SLC1A2: variants seen among roughly 807,000 people sequenced by gnomAD.
SLC1A2 encodes solute carrier family 1 member 2.
In SLC1A2, 15 loss-of-function variants were observed where a neutral mutation model predicts 48.8. The observed-to-expected ratio is 0.31, with a 90% CI of 0.21 to 0.47. SLC1A2 has a LOEUF of 0.47. Among genes scored for constraint, SLC1A2 ranks in the 20% least tolerant of loss-of-function variants. The probability of loss-of-function intolerance (pLI) is 0.99; values close to 1 mark genes in which losing one functional copy is unlikely to be tolerated. For missense variants in SLC1A2, 502 were observed against 730.5 expected (o/e 0.69, Z 3.61); for synonymous variants, 279 against 272.6 (o/e 1.02, Z -0.23).
chr11:35,299,718 A>T (rs1851290735), intron 6 of SLC1A2: 1 of 151,822 alleles, frequency 6.6e-6, no homozygotes, highest in Admixed American at 6.6e-5. Context: ...GAGATAAAAA[A>T]GAACAGATTT....
At chr11:35,395,922 C>A (rs1055913015) in intron 1 of SLC1A2, among the ~76,000 whole-genome samples, 1 of 145,656 alleles carries the variant, frequency 6.9e-6, no homozygotes, top group African/African-American at 2.6e-5. Context: ...TGAGAATATG[C>A]GGTGTTTGGT....
At chr11:35,416,957 G>C (rs1855621666) in intron 1 of SLC1A2, among the ~76,000 whole-genome samples, 1 of 152,178 alleles carries the variant, frequency 6.6e-6, no homozygotes. Flanking sequence ...CCTCACATGT[G>C]AGTTCCACTC....
intron 1 of SLC1A2, among the ~76,000 whole-genome samples, chr11:35,336,668 A>G (rs938636602): frequency 2.0e-5 from 3 of 152,208 alleles, no homozygotes; most frequent in African/African-American, 7.2e-5. Context: ...TCAGAATCAC[A>G]TAGCTAAACC....
intron 8 of SLC1A2, chr11:35,285,288 C>T (rs773665532): frequency 4.6e-5 from 7 of 152,220 alleles, no homozygotes; most frequent in Non-Finnish European, 4.4e-5. Context: ...CTTTGAGCCT[C>T]ACATGCCTCC....
At chr11:35,323,033 A>C (rs1852127106) in intron 1 of SLC1A2, 1 of 459,482 alleles carries the variant, frequency 2.2e-6, no homozygotes, top group Non-Finnish European at 3.9e-6. Context: ...CAGATCCTGC[A>C]AATGAAACTT....
At chr11:35,293,438 A>G (rs1322491498) in intron 6 of SLC1A2, among the ~76,000 whole-genome samples, 5 of 152,190 alleles carry the variant, frequency 3.3e-5, no homozygotes, top group Admixed American at 3.3e-4. Context: ...CTATCTTATT[A>G]TTAATTTATA....
chr11:35,347,460 A>T (rs1280132395), intron 1 of SLC1A2, among the ~76,000 whole-genome samples: 1 of 152,260 alleles, frequency 6.6e-6, no homozygotes, highest in Non-Finnish European at 1.5e-5. Flanking sequence ...AATCACTGAT[A>T]GTGGCTGCTG....
At chr11:35,310,611 T>C (rs1198715071) in intron 4 of SLC1A2, among the ~76,000 whole-genome samples, 1 of 152,230 alleles carries the variant, frequency 6.6e-6, no homozygotes, top group Non-Finnish European at 1.5e-5. Context: ...ATACTTTTCT[T>C]CTAAGCAAAC....
At chr11:35,401,667 T>G (rs1202009860) in intron 1 of SLC1A2, among the ~76,000 whole-genome samples, 1 of 152,112 alleles carries the variant, frequency 6.6e-6, no homozygotes, top group African/African-American at 2.4e-5. Flanking sequence ...TTTTAATGTT[T>G]TATTTCAGAG....
intron 1 of SLC1A2, among the ~76,000 whole-genome samples, chr11:35,368,929 A>G (rs1406250342): frequency 6.6e-6 from 1 of 152,246 alleles, no homozygotes; most frequent in African/African-American, 2.4e-5. Flanking sequence ...CACTGACATT[A>G]TGACAGGGGT....
intron 6 of SLC1A2, 44 bp from the exon 7 acceptor site, chr11:35,292,564 G>C: frequency 7.7e-7 from 1 of 1,295,226 alleles, no homozygotes; most frequent in Non-Finnish European, 1.1e-6. Context: ...GAGATCATTA[G>C]GGATTCAGAA....
At chr11:35,275,847 A>AC (rs1850423904) in intron 9 of SLC1A2, among the ~76,000 whole-genome samples, 1 of 151,884 alleles carries the variant, frequency 6.6e-6, no homozygotes, top group South Asian at 2.1e-4. Flanking sequence ...GGCCAGTTGC[A>AC]CCCCATCTCA....
chr11:35,289,304 T>C (rs987252734), intron 7 of SLC1A2, among the ~76,000 whole-genome samples: 2 of 151,938 alleles, frequency 1.3e-5, no homozygotes, highest in South Asian at 2.1e-4. Context: ...GTTTTACATT[T>C]TTTTTTTTCT....
chr11:35,343,897 T>C (rs3858470), intron 1 of SLC1A2, among the ~76,000 whole-genome samples: 88,230 of 151,850 alleles, frequency 0.58, 26,153 homozygotes, highest in East Asian at 0.7. Flanking sequence ...AATAATGATG[T>C]ACAAGCATTG....
At chr11:35,342,445 A>C (rs1852869929) in intron 1 of SLC1A2, among the ~76,000 whole-genome samples, 1 of 152,206 alleles carries the variant, frequency 6.6e-6, no homozygotes, top group Admixed American at 6.5e-5. Context: ...TATGCTTGAA[A>C]ATCAAAGCAG....
chr11:35,280,646 C>G, intron 9 of SLC1A2: 1 of 474,078 alleles, frequency 2.1e-6, no homozygotes, highest in Non-Finnish European at 3.7e-6. Context: ...GTGTCATAAT[C>G]TCTCTGATTC....
Position 35,253,343 on chromosome 11 carries a change from G to A in SLC1A2, c.*7551C>T, listed in dbSNP as rs1402742049. 3.9e-5 allele frequency: 6 copies of A among 152,568 alleles called. No homozygotes were observed. Among genetic ancestry groups the A allele is most frequent in the African/African-American group, 1.4e-4 (6 of 41,426 alleles). 9.5% of individuals were successfully genotyped at this position (152,568 alleles called of 1,614,324 possible). A position where few individuals can be genotyped will look rare whatever the true frequency, so the allele number is the denominator to read the frequency against. On this transcript the variant is annotated 3_prime_UTR_variant, in exon 11 of 11. Coordinates refer to ENST00000278379, the MANE Select transcript of SLC1A2 (RefSeq NM_004171.4). The stretch of plus-strand genomic sequence containing the variant: ...CTAATTTGCTTGGCAAGAATTAACT[G>A]CAACAAATCTGTCCTGATTTCATCT...
intron 1 of SLC1A2, chr11:35,399,831 T>C (rs1855084559): frequency 6.6e-6 from 1 of 152,616 alleles, no homozygotes; most frequent in South Asian, 2.1e-4. Flanking sequence ...TGCTACAGTT[T>C]ACATTTTTAA....
At chr11:35,340,439 A>G (rs1276400366) in intron 1 of SLC1A2, among the ~76,000 whole-genome samples, 3 of 152,224 alleles carry the variant, frequency 2.0e-5, no homozygotes, top group East Asian at 3.8e-4. Flanking sequence ...AATGTCTATC[A>G]CTTCAAAAGA....
Sources: gnomAD v4.1 joint callset for allele counts (sites outside exome capture counted in the v4.1 genomes callset) on GRCh38, gnomAD v4.1.1 for gene constraint, MANE v1.5 for transcripts, NCBI Gene and HGNC (gene_info 2026-07-23, HGNC 2026-07-21) for gene names.